RAD23B: variants seen among roughly 807,000 people sequenced by gnomAD.
RAD23B encodes RAD23 nucleotide excision repair protein B.
RAD23B carries 5 observed loss-of-function variants against 49.1 expected under a neutral mutation model. The ratio of observed to expected loss-of-function variants is 0.10; its 90% CI spans 0.05 to 0.21. RAD23B has a LOEUF of 0.21. RAD23B is among the 10% of genes least tolerant of loss of function. The pLI is 1.00. For missense variants in RAD23B, 356 were observed against 486.7 expected (o/e 0.73, Z 2.53); for synonymous variants, 184 against 165.4 (o/e 1.11, Z -0.86).
chr9:107,322,761 C>G (rs575935756), intron 7 of RAD23B, among the ~76,000 whole-genome samples: 1 of 152,324 alleles, frequency 6.6e-6, no homozygotes, highest in South Asian at 2.1e-4. Flanking sequence ...CATGCATTTC[C>G]TAGCTCTGAT....
chr9:107,293,280 G>C (rs1026980613), intron 1 of RAD23B, among the ~76,000 whole-genome samples: 2 of 152,180 alleles, frequency 1.3e-5, no homozygotes. Context: ...TGTTCTTGTG[G>C]ACTAGCCATA....
At chr9:107,320,747 C>T (rs1055609477) in intron 6 of RAD23B, among the ~76,000 whole-genome samples, 1 of 151,994 alleles carries the variant, frequency 6.6e-6, no homozygotes, top group African/African-American at 2.4e-5. Flanking sequence ...TGATGGACGC[C>T]CTGGATCCTA....
chr9:107,311,511 T>C (rs1288186030), intron 4 of RAD23B, among the ~76,000 whole-genome samples, 171 bp from the exon 5 acceptor site: 3 of 152,232 alleles, frequency 2.0e-5, no homozygotes, highest in Non-Finnish European at 4.4e-5. Flanking sequence ...ACAAATGTTG[T>C]AGATAAAGCT....
chr9:107,284,866 T>G lies in RAD23B; in HGVS notation c.66+1171T>G. The G allele has an allele frequency of 3.2e-6, 4 of 1,240,508 alleles. No individual in the cohort carries two copies. The South Asian group carries it at 5.1e-5, about 16-fold the overall frequency. 76.8% of individuals were successfully genotyped at this position (1,240,508 alleles called of 1,614,324 possible). A position where few individuals can be genotyped will look rare whatever the true frequency, so the allele number is the denominator to read the frequency against. ...GCAAATTACGGTTAGTTTCATTCTC[T>G]GTATAATAGGGATAATACCTGCCTT... On this transcript the variant is annotated intron_variant, in intron 1 of 9. Transcript: ENST00000358015.
intron 3 of RAD23B, among the ~76,000 whole-genome samples, chr9:107,305,723 G>C (rs984621697): frequency 3.9e-5 from 6 of 151,976 alleles, no homozygotes; most frequent in Non-Finnish European, 8.8e-5. Flanking sequence ...TTGATTTGTA[G>C]TCAATTTTGG....
At chr9:107,290,518 A>T (rs1379936875) in intron 1 of RAD23B, among the ~76,000 whole-genome samples, 2 of 152,008 alleles carry the variant, frequency 1.3e-5, no homozygotes, top group African/African-American at 4.8e-5. Context: ...GATCCACCAT[A>T]CTGTTCCTAA....
At chr9:107,303,922 A>G (rs1459450506) in intron 3 of RAD23B, among the ~76,000 whole-genome samples, 3 of 152,208 alleles carry the variant, frequency 2.0e-5, no homozygotes, top group Non-Finnish European at 4.4e-5. Flanking sequence ...TGAGGAATAG[A>G]TACTTGAAGC....
At chr9:107,283,845 A>G (rs1833212281) in intron 1 of RAD23B, 150 bp downstream of exon 1, 3 of 925,130 alleles carry the variant, frequency 3.2e-6, no homozygotes, top group Non-Finnish European at 4.3e-6. Flanking sequence ...GGCGGCGTAC[A>G]GCGGAGCCGA....
chr9:107,284,817 G>T, intron 1 of RAD23B: 3 of 1,214,216 alleles, frequency 2.5e-6, no homozygotes, highest in Non-Finnish European at 1.1e-6. Flanking sequence ...TTGTGGTTTT[G>T]TAACTTATTT....
chr9:107,328,393 C>T (rs184951327), intron 9 of RAD23B, among the ~76,000 whole-genome samples: 11 of 152,088 alleles, frequency 7.2e-5, no homozygotes, highest in Admixed American at 4.6e-4. Flanking sequence ...GATCATCAGG[C>T]GTTAGTTAGG....
In RAD23B at chr9:107,321,646, G is replaced by C. The variant is rs10816492; in HGVS notation, c.682-337G>C. Among the ~76,000 whole-genome samples, 10 of 152,008 alleles carry C rather than the reference G, an allele frequency of 6.6e-5. No homozygotes were observed. The East Asian group carries it at 1.7e-3, about 27-fold the overall frequency. On this transcript the variant is annotated intron_variant, in intron 6 of 9. Transcript: ENST00000358015. Reference sequence around the variant, plus strand: ...TGTGTTCAGTTTTAAGAAGGTACATGTATCAATATTTTTCAAATTTGATGC... The same window carrying C: ...TGTGTTCAGTTTTAAGAAGGTACATCTATCAATATTTTTCAAATTTGATGC...
At chr9:107,325,819 A>T (rs537805742) in intron 9 of RAD23B, among the ~76,000 whole-genome samples, 19 of 152,310 alleles carry the variant, frequency 1.2e-4, no homozygotes, top group Admixed American at 3.3e-4. Context: ...CTGGTTCTTG[A>T]TCTTAAGGGA....
chr9:107,304,267 GATAACAATTAAGGA>G (rs1826715654), intron 3 of RAD23B, among the ~76,000 whole-genome samples: 1 of 152,126 alleles, frequency 6.6e-6, no homozygotes, highest in African/African-American at 2.4e-5. Flanking sequence ...ATATTATTTT[GATAACAATTAAGGA>G]AAATATTAAA....
Position 107,318,357 on chromosome 9 carries a change from C to T in RAD23B, c.554-395C>T, listed in dbSNP as rs973644937. Among the ~76,000 whole-genome samples, 1 of 152,178 alleles carries T rather than the reference C, an allele frequency of 6.6e-6. No individual in the cohort carries two copies. Among genetic ancestry groups the T allele is most frequent in the African/African-American group, 2.4e-5 (1 of 41,420 alleles). ...AAGGCAACAGCATAACATCTCTCAT[C>T]CTGGTTTTGTCTCCTCCTCCTCACA... is the stretch of plus-strand genomic sequence containing the variant. On this transcript the variant is annotated intron_variant, in intron 5 of 9. Coordinates refer to ENST00000358015, the MANE Select transcript of RAD23B (RefSeq NM_002874.5). This position sits in a 1 kb window ranked among gnomAD's most constrained non-coding sequence, Gnocchi z 4.3.
chr9:107,304,303 C>G (rs1353333368), intron 3 of RAD23B, among the ~76,000 whole-genome samples: 2 of 152,152 alleles, frequency 1.3e-5, no homozygotes, highest in African/African-American at 4.8e-5. Context: ...GAGTATACCA[C>G]TTTTAAAAAT....
intron 4 of RAD23B, among the ~76,000 whole-genome samples, chr9:107,310,715 T>C (rs1381419370): frequency 2.6e-5 from 4 of 152,220 alleles, no homozygotes; most frequent in Non-Finnish European, 5.9e-5. Context: ...TTAATCATAG[T>C]ATTCTTATTG....
chr9:107,291,784 G>A (rs80111280), intron 1 of RAD23B, among the ~76,000 whole-genome samples: 4,512 of 152,306 alleles, frequency 0.03, 93 homozygotes, highest in Non-Finnish European at 0.042. Flanking sequence ...AAATCCTTTA[G>A]TACACATTTG....
At chr9:107,285,521 A>G (rs1039191736) in intron 1 of RAD23B, among the ~76,000 whole-genome samples, 14 of 152,202 alleles carry the variant, frequency 9.2e-5, no homozygotes, top group Non-Finnish European at 1.6e-4. Flanking sequence ...TACGTTCTGT[A>G]AGATTTGTTT....
intron 2 of RAD23B, 57 bp downstream of exon 2, chr9:107,300,279 A>ATATTGTATCTTATAT: frequency 6.5e-7 from 1 of 1,548,622 alleles, no homozygotes; most frequent in Non-Finnish European, 8.7e-7. Context: ...TTAGTTTTAG[A>ATATTGTATCTTATAT]AATGTTATCT....
Sources: gnomAD v4.1 joint callset for allele counts (sites outside exome capture counted in the v4.1 genomes callset) on GRCh38, gnomAD v4.1.1 for gene constraint, Gnocchi (gnomAD v3.1) non-coding constraint, MANE v1.5 for transcripts, NCBI Gene and HGNC (gene_info 2026-07-23, HGNC 2026-07-21) for gene names.